EDIL3: variants seen among roughly 807,000 people sequenced by gnomAD.
EDIL3 encodes the protein EGF like and discoidin domains 3, also known as EGF-like repeat and discoidin I-like domain-containing protein 3.
EDIL3 carries 37 observed loss-of-function variants against 67.4 expected under a neutral mutation model. The ratio of observed to expected loss-of-function variants is 0.55; its 90% CI spans 0.42 to 0.72. The LOEUF is 0.72. Among genes scored for constraint, EDIL3 ranks in the 30% least tolerant of loss-of-function variants. EDIL3 has a pLI of 0.00. For synonymous variants in EDIL3, 195 were observed against 196.3 expected (o/e 0.99, Z 0.05); for missense variants, 527 against 586.3 (o/e 0.90, Z 1.04).
At chr5:84,131,966 C>T (rs1185125131) in intron 5 of EDIL3, among the ~76,000 whole-genome samples, 2 of 151,926 alleles carry the variant, frequency 1.3e-5, no homozygotes, top group Non-Finnish European at 2.9e-5. Flanking sequence ...GGCACCGTGG[C>T]TCACACCTTT....
chr5:84,362,842 A>G (rs1464311932), intron 1 of EDIL3, among the ~76,000 whole-genome samples: 1 of 152,204 alleles, frequency 6.6e-6, no homozygotes, highest in Non-Finnish European at 1.5e-5. Flanking sequence ...TATGGGAAAT[A>G]CAAAACAAAA....
intron 4 of EDIL3, among the ~76,000 whole-genome samples, chr5:84,168,849 T>G (rs560974927): frequency 1.3e-5 from 2 of 152,308 alleles, no homozygotes; most frequent in Admixed American, 6.5e-5. Context: ...TTAGTTCATT[T>G]ACTCCCTTGC....
chr5:84,238,245 G>C (rs1240564390), intron 2 of EDIL3, among the ~76,000 whole-genome samples: 1 of 151,902 alleles, frequency 6.6e-6, no homozygotes, highest in African/African-American at 2.4e-5. Context: ...ATATCTGTGA[G>C]GTCTTTTAGT....
intron 9 of EDIL3, among the ~76,000 whole-genome samples, chr5:83,972,678 A>G (rs77608827): frequency 2.2e-3 from 338 of 152,190 alleles, no homozygotes; most frequent in African/African-American, 7.9e-3. Context: ...ATACGAATGA[A>G]AGTCCATCCA....
rs140756856 is a variant in EDIL3 at position 84,040,869 on chromosome 5, C to T, written c.1137+19431G>A. On this transcript the variant is annotated intron_variant, in intron 9 of 10. Coordinates refer to ENST00000296591, the MANE Select transcript of EDIL3 (RefSeq NM_005711.5). The stretch of plus-strand genomic sequence containing the variant: ...ACTTCAGGCCAGGCACAGCGGCTCA[C>T]GCCTGTAATCCCAACACTTTGGGAG... Among the ~76,000 whole-genome samples, 341 of 152,248 alleles carry T rather than the reference C, an allele frequency of 2.2e-3. 2 individuals are homozygous for T. The highest frequency in any genetic ancestry group is 7.4e-3 in the African/African-American group (307 of 41,574).
At chr5:84,250,224 C>T (rs1325170455) in intron 2 of EDIL3, among the ~76,000 whole-genome samples, 1 of 152,138 alleles carries the variant, frequency 6.6e-6, no homozygotes, top group African/African-American at 2.4e-5. Flanking sequence ...TTCCTACTGC[C>T]ATTTTCAGAT....
At chr5:84,105,574 G>A (rs780774795) in intron 6 of EDIL3, among the ~76,000 whole-genome samples, 5 of 151,842 alleles carry the variant, frequency 3.3e-5, no homozygotes, top group Admixed American at 6.6e-5. Context: ...CTTAGAATAC[G>A]TAGTAAACAG....
chr5:84,268,500 T>G (rs1282586773), intron 1 of EDIL3, among the ~76,000 whole-genome samples: 1 of 152,200 alleles, frequency 6.6e-6, no homozygotes, highest in African/African-American at 2.4e-5. Flanking sequence ...ATCAATATAT[T>G]TCTAATGATA....
At chr5:84,308,622 G>A (rs1746319362) in intron 1 of EDIL3, among the ~76,000 whole-genome samples, 1 of 151,894 alleles carries the variant, frequency 6.6e-6, no homozygotes, top group Non-Finnish European at 1.5e-5. Context: ...CTCTTTCTCA[G>A]GAAGTAATTT....
Position 84,073,146 on chromosome 5 carries a change from A to G in EDIL3, c.652-6540T>C, listed in dbSNP as rs200272553. On this transcript the variant is annotated intron_variant, in intron 6 of 10. Coordinates refer to ENST00000296591, the MANE Select transcript of EDIL3 (RefSeq NM_005711.5). ...AAAAGGCCTTTGACAAAATTCAACA[A>G]CTCTTCATGCTAAAAACTCTCAATA... 1.1e-3 allele frequency among the ~76,000 whole-genome samples: 165 copies of G among 152,084 alleles called. 4 individuals carry two copies. In the East Asian group the frequency reaches 0.023, roughly 21 times the overall value.
chr5:84,366,875 C>A (rs1010058012), intron 1 of EDIL3, among the ~76,000 whole-genome samples: 4 of 152,134 alleles, frequency 2.6e-5, no homozygotes, highest in Non-Finnish European at 4.4e-5. Context: ...CAATACCAAG[C>A]TTAATAAAGT....
Position 84,112,060 on chromosome 5 carries a change from G to C in EDIL3, c.470-5230C>G, listed in dbSNP as rs150623148. ...CAGTATCACTAGATCAAGATGGGTT[G>C]GTGGGGGAATGGTTAAGAGATGAAG... On this transcript the variant is annotated intron_variant, in intron 5 of 10. Transcript: ENST00000296591. Among the ~76,000 whole-genome samples, 137 of 152,170 alleles carry C rather than the reference G, an allele frequency of 9.0e-4. 4 individuals are homozygous for C. In the East Asian group the frequency reaches 0.023, roughly 25 times the overall value.
intron 1 of EDIL3, among the ~76,000 whole-genome samples, chr5:84,265,255 A>G (rs1580043030): frequency 6.6e-6 from 1 of 152,232 alleles, no homozygotes; most frequent in African/African-American, 2.4e-5. Flanking sequence ...CCAAACGGGT[A>G]TCTTTTACTG....
intron 9 of EDIL3, among the ~76,000 whole-genome samples, chr5:84,011,882 G>A (rs577308481): frequency 9.2e-5 from 14 of 151,954 alleles, no homozygotes; most frequent in African/African-American, 2.9e-4. Flanking sequence ...TCTCTCTATC[G>A]ATTTTGCCTT....
At chr5:84,147,295 T>C (rs1282883489) in intron 4 of EDIL3, among the ~76,000 whole-genome samples, 2 of 152,154 alleles carry the variant, frequency 1.3e-5, no homozygotes, top group African/African-American at 4.8e-5. Context: ...AAATGTACCA[T>C]ATGCTTTTTT....
At chr5:84,288,099 A>T (rs1434549381) in intron 1 of EDIL3, among the ~76,000 whole-genome samples, 1 of 152,094 alleles carries the variant, frequency 6.6e-6, no homozygotes, top group Non-Finnish European at 1.5e-5. Context: ...ATTTCCCCAG[A>T]CCTACTTTTC....
intron 9 of EDIL3, among the ~76,000 whole-genome samples, chr5:83,972,338 T>C (rs1470545264): frequency 6.6e-6 from 1 of 151,974 alleles, no homozygotes; most frequent in African/African-American, 2.4e-5. Context: ...AGGCTCTGAG[T>C]CTTGGCCACT....
intron 6 of EDIL3, among the ~76,000 whole-genome samples, chr5:84,104,846 G>A (rs547351961): frequency 1.3e-5 from 2 of 152,126 alleles, no homozygotes; most frequent in African/African-American, 4.8e-5. Context: ...AAAGTAAAGT[G>A]AACAATCGGA....
chr5:84,205,768 T>G (rs347346), intron 3 of EDIL3, among the ~76,000 whole-genome samples: 2 of 151,812 alleles, frequency 1.3e-5, no homozygotes, highest in African/African-American at 2.4e-5. Context: ...ATCACCTTTA[T>G]CATTTTTTAT....
Sources: gnomAD v4.1 joint callset for allele counts (sites outside exome capture counted in the v4.1 genomes callset) on GRCh38, gnomAD v4.1.1 for gene constraint, MANE v1.5 for transcripts, NCBI Gene and HGNC (gene_info 2026-07-23, HGNC 2026-07-21) for gene names.